Variants in COL4A1 observed in about 807,000 individuals in gnomAD.
COL4A1 encodes collagen alpha-1(IV) chain.
COL4A1 carries 40 observed loss-of-function variants against 216.6 expected under a neutral mutation model. That is an observed-to-expected ratio of 0.18 (90% CI 0.14 to 0.24). The LOEUF (loss-of-function observed/expected upper bound fraction) is 0.24, where lower values mean the gene tolerates loss of function less well. Ranked by LOEUF, COL4A1 falls within the 10% of genes least tolerant of loss-of-function variation. The pLI, the probability that COL4A1 is intolerant of heterozygous loss-of-function variation, is 1.00. For synonymous variants in COL4A1, 839 were observed against 810.7 expected, an observed-to-expected ratio of 1.03 and a Z score of -0.59; for missense variants, 1,628 against 2,196.8, an observed-to-expected ratio of 0.74 and a Z score of 5.18.
At chr13:110,212,807 G>A (rs1237769402) in intron 4 of COL4A1, among the ~76,000 whole-genome samples, 189 bp from the exon 5 acceptor site, 2 of 152,164 alleles carry the variant, frequency 1.3e-5, no homozygotes, top group Non-Finnish European at 2.9e-5. Context: ...GCTTACAGGA[G>A]CAATGCTACA....
At chr13:110,192,662 C>T (rs561796754) in intron 23 of COL4A1, among the ~76,000 whole-genome samples, 168 bp downstream of exon 23, 1 of 152,230 alleles carries the variant, frequency 6.6e-6, no homozygotes, top group Admixed American at 6.5e-5. Context: ...TTGATCATTC[C>T]CAGCAATGTG....
At chr13:110,300,095 C>G (rs554436275) in intron 1 of COL4A1, among the ~76,000 whole-genome samples, 1 of 152,118 alleles carries the variant, frequency 6.6e-6, no homozygotes, top group South Asian at 2.1e-4. Context: ...ATGTAATAGC[C>G]AAATCTTCCA....
At chr13:110,152,541 C>T in intron 50 of COL4A1, 35 bp from the exon 51 acceptor site, 2 of 1,591,404 alleles carry the variant, frequency 1.3e-6, no homozygotes, top group Non-Finnish European at 1.7e-6. Context: ...GTCAGAGGTT[C>T]CCTCCCCAAA....
intron 15 of COL4A1, 150 bp downstream of exon 15, chr13:110,206,515 A>G (rs1030746358): frequency 5.7e-6 from 5 of 879,354 alleles, no homozygotes; most frequent in Non-Finnish European, 9.4e-6. Flanking sequence ...GATATAGCTC[A>G]GGAGAGTCTC....
chr13:110,181,194 C>T, intron 29 of COL4A1, 98 bp downstream of exon 29: 1 of 1,166,032 alleles, frequency 8.6e-7, no homozygotes, highest in East Asian at 2.4e-5. Context: ...AATCTGCTGG[C>T]CCAACATGTC....
chr13:110,252,821 C>T (rs1207021234), intron 1 of COL4A1, among the ~76,000 whole-genome samples: 5 of 128,350 alleles, frequency 3.9e-5, no homozygotes, highest in Non-Finnish European at 6.5e-5. Flanking sequence ...ACTATAAGTA[C>T]GTATGTATTA....
At position 110,161,213 on chromosome 13, in the gene COL4A1, T is replaced by A; in HGVS notation, c.4619A>T (p.Asn1540Ile). Reference protein sequence around the residue: ...PMSMAPITGENIRPFISRCAV... With the variant: ...PMSMAPITGEIIRPFISRCAV... ...TCACCTACTAATAAATGGTCTTATG[T>A]TTTCCCCCGTGATGGGTGCCATTGA... Residue 1540 changes from asparagine to isoleucine, a missense_variant, in exon 49 of 52, where the codon AAC becomes ATC. By Grantham distance (149) the Asn-to-Ile change is moderately radical. Transcript: ENST00000375820. The A allele has an allele frequency of 6.2e-7, 1 of 1,614,194 alleles. No homozygotes were observed. Among genetic ancestry groups the A allele is most frequent in the Non-Finnish European group, 8.5e-7 (1 of 1,180,024 alleles).
intron 1 of COL4A1, among the ~76,000 whole-genome samples, chr13:110,264,014 C>G (rs1244796383): frequency 6.6e-6 from 1 of 152,200 alleles, no homozygotes; most frequent in African/African-American, 2.4e-5. Flanking sequence ...ATCCTCATCC[C>G]TCGCACTGCT....
intron 1 of COL4A1, among the ~76,000 whole-genome samples, chr13:110,252,461 CATATAATTATAT>C: frequency 3.8e-5 from 1 of 26,510 alleles, no homozygotes; most frequent in Non-Finnish European, 7.8e-5. Flanking sequence ...GTATTATATA[CATATAATTATAT>C]GTATTATATA....
chr13:110,275,864 G>A (rs1242140199), intron 1 of COL4A1, among the ~76,000 whole-genome samples: 1 of 152,126 alleles, frequency 6.6e-6, no homozygotes, highest in Non-Finnish European at 1.5e-5. Flanking sequence ...GCAAAACTAC[G>A]GAGACAGCAA....
In COL4A1 at chr13:110,195,378, A is replaced by G. The variant is rs78883590; in HGVS notation, c.1286-260T>C. Among the ~76,000 whole-genome samples the G allele has an allele frequency of 0.017, 2,627 of 152,340 alleles. 84 individuals carry two copies. The highest frequency in any genetic ancestry group is 0.061 in the African/African-American group (2,528 of 41,564). On this transcript the variant is annotated intron_variant, in intron 21 of 51. Coordinates refer to ENST00000375820, the MANE Select transcript of COL4A1 (RefSeq NM_001845.6). Reference sequence around the variant, plus strand: ...CAAATTCTGAAGTATCTGTAGGTGCATCAGCCCTGTCCTGTATACTATTTC... The same window carrying G: ...CAAATTCTGAAGTATCTGTAGGTGCGTCAGCCCTGTCCTGTATACTATTTC...
In COL4A1 at chr13:110,253,860, A is replaced by G. The variant is rs76783267; in HGVS notation, c.85-11126T>C. 5.4e-5 allele frequency among the ~76,000 whole-genome samples: 8 copies of G among 149,316 alleles called. No homozygotes were observed. In the East Asian group the frequency reaches 1.0e-3, roughly 19 times the overall value. On this transcript the variant is annotated intron_variant, in intron 1 of 51. Coordinates refer to ENST00000375820, the MANE Select transcript of COL4A1 (RefSeq NM_001845.6). ...TACGTATAATTATACGTATATATGTATGTGTGTGTGTATATATATAAAGTA... is the reference window on the plus strand; with the variant it reads ...TACGTATAATTATACGTATATATGTGTGTGTGTGTGTATATATATAAAGTA...
chr13:110,190,242 A>G (rs1878570347), intron 24 of COL4A1, among the ~76,000 whole-genome samples: 1 of 152,086 alleles, frequency 6.6e-6, no homozygotes. Flanking sequence ...GATTCTAAGT[A>G]GTTCAAAGGT....
chr13:110,233,568 T>C (rs1051251244), intron 2 of COL4A1, among the ~76,000 whole-genome samples: 2 of 152,126 alleles, frequency 1.3e-5, no homozygotes, highest in Admixed American at 6.5e-5. Context: ...GTCTGGACGT[T>C]GGTAAGTACA....
At chr13:110,295,540 C>T (rs948814762) in intron 1 of COL4A1, among the ~76,000 whole-genome samples, 2 of 151,292 alleles carry the variant, frequency 1.3e-5, no homozygotes, top group African/African-American at 4.9e-5. Context: ...ATTCTCCTGC[C>T]TCAGCCTCCC....
chr13:110,161,939 T>G (rs931904724), intron 48 of COL4A1: 1 of 466,282 alleles, frequency 2.1e-6, no homozygotes, highest in African/African-American at 2.0e-5. Flanking sequence ...TTGATCCTAC[T>G]TGATAATTTG....
At chr13:110,301,579 A>AT (rs1398097188) in intron 1 of COL4A1, among the ~76,000 whole-genome samples, 1 of 152,162 alleles carries the variant, frequency 6.6e-6, no homozygotes, top group Non-Finnish European at 1.5e-5. Flanking sequence ...TTTAGGCTGG[A>AT]TTTTTTAAAA....
At chr13:110,170,372 G>A (rs1182072107) in intron 42 of COL4A1, among the ~76,000 whole-genome samples, 175 bp downstream of exon 42, 1 of 152,206 alleles carries the variant, frequency 6.6e-6, no homozygotes, top group African/African-American at 2.4e-5. Flanking sequence ...TGACAGAAAG[G>A]ATACAAGAAA....
At chr13:110,232,467 C>G (rs911182644) in intron 2 of COL4A1, among the ~76,000 whole-genome samples, 1 of 152,120 alleles carries the variant, frequency 6.6e-6, no homozygotes, top group Non-Finnish European at 1.5e-5. Flanking sequence ...AATATTCTAC[C>G]AACAAACAGG....
Sources: allele counts gnomAD v4.1 joint callset (sites outside exome capture counted in the v4.1 genomes callset), GRCh38; gene constraint gnomAD v4.1.1; transcripts MANE v1.5; gene names NCBI Gene and HGNC (gene_info 2026-07-23, HGNC 2026-07-21).